LPIN2: variants seen among roughly 807,000 people sequenced by gnomAD.
LPIN2 encodes the protein phosphatidate phosphatase LPIN2.
In LPIN2, 55 loss-of-function variants were observed where a neutral mutation model predicts 111.4. The observed-to-expected ratio is 0.49, with a 90% CI of 0.40 to 0.62. LPIN2 has a LOEUF of 0.62. Among genes scored for constraint, LPIN2 ranks in the 20% least tolerant of loss-of-function variants. LPIN2 has a pLI of 0.00. For synonymous variants in LPIN2, 425 were observed against 414.0 expected (o/e 1.03, Z -0.32); for missense variants, 992 against 1,112.1 (o/e 0.89, Z 1.54).
chr18:2,931,275 T>C lies in LPIN2; in HGVS notation c.1437A>G (p.Glu479=), dbSNP rs145503236. The C allele has an allele frequency of 5.0e-6, 8 of 1,614,068 alleles. No individual in the cohort carries two copies. The African/African-American group carries it at 1.1e-4, about 22-fold the overall frequency. Residue 479 remains glutamate (E), a synonymous_variant, in exon 9 of 20, where the codon GAA becomes GAG. Transcript: ENST00000677752. ...ACGTACCTTTTGAAATTTCTCCATT[T>C]TCACTGAGGCCCCCGCAAAGGGAGA... ...VTLSLCGGLS[E]NGEISKEKFM...
In LPIN2 at chr18:2,917,584, C is replaced by T. The variant is rs1393268296; in HGVS notation, c.*2709G>A. ...TTGAGCAGCTTTCATTTTAGGACAT[C>T]CCATTTTTAAGTTTTTTCTTTTTCC... is the stretch of plus-strand genomic sequence containing the variant. On this transcript the variant is annotated 3_prime_UTR_variant, in exon 20 of 20. Transcript: ENST00000677752. 1 of 152,166 alleles carries T rather than the reference C, an allele frequency of 6.6e-6. No homozygotes were observed. Among genetic ancestry groups the T allele is most frequent in the Non-Finnish European group, 1.5e-5 (1 of 68,056 alleles). 9.4% of individuals were successfully genotyped at this position (152,166 alleles called of 1,614,324 possible).
At chr18:2,968,145 T>C (rs1050345817) in intron 1 of LPIN2, among the ~76,000 whole-genome samples, 2 of 152,320 alleles carry the variant, frequency 1.3e-5, no homozygotes, top group African/African-American at 4.8e-5. Flanking sequence ...CCTTCATTTC[T>C]AGGACGATTT....
At chr18:2,940,841 A>G in intron 4 of LPIN2, 129 bp from the exon 5 acceptor site, 1 of 687,636 alleles carries the variant, frequency 1.5e-6, no homozygotes, top group Non-Finnish European at 2.6e-6. Context: ...CTCTCTCTAA[A>G]ATATATGAAG....
rs559223543 is a variant in LPIN2, at chr18:2,936,894, A to G, written c.1168+798T>C. Among the ~76,000 whole-genome samples the G allele has an allele frequency of 2.0e-5, 3 of 152,304 alleles. No homozygotes were observed. The East Asian group carries it at 5.8e-4, about 29-fold the overall frequency. ...GCACCTAGCCTTCTACCTATTTTAG[A>G]GGGAAATAATCAGCAAAAGAAAGCA... is the stretch of plus-strand genomic sequence containing the variant. On this transcript the variant is annotated intron_variant, in intron 7 of 19. Coordinates refer to ENST00000677752, the MANE Select transcript of LPIN2 (RefSeq NM_001375808.2).
rs111228605 is a variant in LPIN2, at chr18:3,006,643, C to G, written c.-10+6444G>C. ...ACAAGATCAGGAGATCGAGACCACC[C>G]TGGCTAACACGGTGAAACCCCGTCT... On this transcript the variant is annotated intron_variant, in intron 1 of 19. Transcript: ENST00000677752. Among the ~76,000 whole-genome samples the G allele has an allele frequency of 4.7e-4, 72 of 152,288 alleles. 1 individual carries two copies. In the South Asian group the frequency reaches 0.014, roughly 31 times the overall value.
intron 12 of LPIN2, 83 bp from the exon 13 acceptor site, chr18:2,926,888 G>C (rs2077140577): frequency 9.9e-7 from 1 of 1,010,168 alleles, no homozygotes; most frequent in East Asian, 2.5e-5. Context: ...CTCTAGGAAA[G>C]AACACAACTG....
At chr18:2,965,760 A>G (rs1385531287) in intron 1 of LPIN2, among the ~76,000 whole-genome samples, 12 of 152,020 alleles carry the variant, frequency 7.9e-5, no homozygotes, top group African/African-American at 2.4e-4. Flanking sequence ...GCATCAGTAA[A>G]TAGGTTCAAA....
rs951977306 is a variant in LPIN2 at position 2,919,867 on chromosome 18, G to C, written c.*426C>G. The C allele has an allele frequency of 7.6e-6, 2 of 263,062 alleles. No homozygotes were observed. Among genetic ancestry groups the C allele is most frequent in the African/African-American group, 4.4e-5 (2 of 45,308 alleles). The allele number at this position is 263,062 out of a possible 1,614,324, so 16.3% of individuals were successfully genotyped here. A position where few individuals can be genotyped will look rare whatever the true frequency, so the allele number is the denominator to read the frequency against. ...ACTGACTGGGCCCGCAGCAGTTCAG[G>C]GACCCTGACATCTGAAGACAGCCCT... On this transcript the variant is annotated 3_prime_UTR_variant, in exon 20 of 20. Coordinates refer to ENST00000677752, the MANE Select transcript of LPIN2 (RefSeq NM_001375808.2).
chr18:2,936,338 T>TTG (rs2077284701), intron 7 of LPIN2, among the ~76,000 whole-genome samples: 1 of 152,236 alleles, frequency 6.6e-6, no homozygotes, highest in African/African-American at 2.4e-5. Context: ...TCTGACCCAC[T>TTG]GTACCAAGTA....
In LPIN2 at chr18:2,993,131, C is replaced by G. The variant is rs145040453; in HGVS notation, c.-10+19956G>C. 2.1e-3 allele frequency among the ~76,000 whole-genome samples: 305 copies of G among 145,384 alleles called. 9 individuals carry two copies. In the East Asian group the frequency reaches 0.042, roughly 20 times the overall value. The stretch of plus-strand genomic sequence containing the variant: ...CTGCGCTCCAGCCTGGGAAACAGAG[C>G]GAGACCCTGACGGAGGAAGAAAAAA... On this transcript the variant is annotated intron_variant, in intron 1 of 19. Transcript: ENST00000677752.
At chr18:2,928,971 A>G (rs759882075) in intron 10 of LPIN2, 94 bp downstream of exon 10, 4 of 862,636 alleles carry the variant, frequency 4.6e-6, no homozygotes, top group Non-Finnish European at 5.9e-6. Context: ...GACAAGTTTT[A>G]TAAGAAGGAA....
At position 3,003,267 on chromosome 18, in the gene LPIN2, G is replaced by A. The variant is rs188447144; in HGVS notation, c.-10+9820C>T. ...AAAGCACCACTAAAACTCCATTAGC[G>A]GGGAGCTCATCTGCAGATGTAGTTA... On this transcript the variant is annotated intron_variant, in intron 1 of 19. Transcript: ENST00000677752. 2.0e-4 allele frequency among the ~76,000 whole-genome samples: 31 copies of A among 152,286 alleles called. 1 individual carries two copies. The highest frequency in any genetic ancestry group is 1.7e-3 in the South Asian group (8 of 4,826).
chr18:3,001,530 A>G (rs1182597209), intron 1 of LPIN2, among the ~76,000 whole-genome samples: 2 of 152,184 alleles, frequency 1.3e-5, no homozygotes, highest in Non-Finnish European at 2.9e-5. Flanking sequence ...AGCTTAGTAT[A>G]AAGAATTGTG....
In LPIN2 at chr18:2,941,616, G is replaced by A. The variant is rs1379486088; in HGVS notation, c.591-904C>T. ...TGTAGCATGTTGAAATCTCTGAAAA[G>A]TAAAAAGAAAAGCACAAAGAAAGAC... On this transcript the variant is annotated intron_variant, in intron 4 of 19. Coordinates refer to ENST00000677752, the MANE Select transcript of LPIN2 (RefSeq NM_001375808.2). Among the ~76,000 whole-genome samples, 3 of 152,128 alleles carry A rather than the reference G, an allele frequency of 2.0e-5. 1 individual carries two copies. The highest frequency in any genetic ancestry group is 4.4e-5 in the Non-Finnish European group (3 of 68,010).
At chr18:2,992,541 TTAC>T (rs1017943491) in intron 1 of LPIN2, among the ~76,000 whole-genome samples, 1 of 152,130 alleles carries the variant, frequency 6.6e-6, no homozygotes, top group Admixed American at 6.6e-5. Flanking sequence ...TGGTTGAATC[TTAC>T]TACAATTAGA....
At chr18:2,968,683 A>G (rs2077850303) in intron 1 of LPIN2, among the ~76,000 whole-genome samples, 1 of 152,176 alleles carries the variant, frequency 6.6e-6, no homozygotes, top group South Asian at 2.1e-4. Context: ...GAAGGTTCCC[A>G]GTGGGCAGTC....
In LPIN2 at chr18:2,930,765, G is replaced by A. The variant is rs1041634500; in HGVS notation, c.1456+491C>T. ...TGATTCCTGAGCAAGCTTTACTCTCGTAGGCCAACCCTCCAGCCTTATACA... is the reference window on the plus strand; with the variant it reads ...TGATTCCTGAGCAAGCTTTACTCTCATAGGCCAACCCTCCAGCCTTATACA... On this transcript the variant is annotated intron_variant, in intron 9 of 19. Coordinates refer to ENST00000677752, the MANE Select transcript of LPIN2 (RefSeq NM_001375808.2). 8.5e-5 allele frequency among the ~76,000 whole-genome samples: 13 copies of A among 152,268 alleles called. No individual in the cohort carries two copies. In the East Asian group the frequency reaches 9.6e-4, roughly 11 times the overall value.
chr18:2,925,217 G>C lies in LPIN2; in HGVS notation c.1938+7C>G. ...CTACTGGACAACACAGATCATGCAA[G>C]ACTCACGATCTGGTCTGAGGAGAGG... On this transcript the variant is annotated splice_region_variant and intron_variant, in intron 14 of 19. Coordinates refer to ENST00000677752, the MANE Select transcript of LPIN2 (RefSeq NM_001375808.2). The surrounding 1 kb of genome is among the most constrained non-coding windows in gnomAD (Gnocchi z 4.1). 1 of 1,614,148 alleles carries C rather than the reference G, an allele frequency of 6.2e-7. No individual in the cohort carries two copies. Among genetic ancestry groups the C allele is most frequent in the Non-Finnish European group, 8.5e-7 (1 of 1,179,990 alleles).
chr18:2,946,323 G>C (rs2143055922), intron 4 of LPIN2: 1 of 1,509,972 alleles, frequency 6.6e-7, no homozygotes, highest in East Asian at 2.3e-5. Flanking sequence ...GGTTTGACTG[G>C]CTCAGGTGGC....
Sources: gnomAD v4.1 joint callset for allele counts (sites outside exome capture counted in the v4.1 genomes callset) on GRCh38, gnomAD v4.1.1 for gene constraint, Gnocchi (gnomAD v3.1) non-coding constraint, MANE v1.5 for transcripts, NCBI Gene and HGNC (gene_info 2026-07-23, HGNC 2026-07-21) for gene names.